PTPRG: variants seen among roughly 807,000 people sequenced by gnomAD.
The protein encoded by PTPRG is protein tyrosine phosphatase receptor type G, also known as receptor-type tyrosine-protein phosphatase gamma.
PTPRG carries 102 observed loss-of-function variants against 165.3 expected under a neutral mutation model. The observed-to-expected ratio is 0.62, with a 90% confidence interval of 0.53 to 0.73. The LOEUF (loss-of-function observed/expected upper bound fraction) is 0.73, where lower values mean the gene tolerates loss of function less well. Among genes scored for constraint, PTPRG ranks in the 30% least tolerant of loss-of-function variants. PTPRG has a pLI of 0.00. For synonymous variants in PTPRG, 675 were observed against 669.5 expected (o/e 1.01, Z -0.13); for missense variants, 1,866 against 1,861.4 (o/e 1.00, Z -0.05).
intron 2 of PTPRG, among the ~76,000 whole-genome samples, chr3:61,988,978 C>G (rs1017744640): frequency 6.6e-6 from 1 of 152,090 alleles, no homozygotes; most frequent in Non-Finnish European, 1.5e-5. Context: ...TATATGAGTA[C>G]AGAGTCCAGT....
chr3:61,890,048 C>T (rs911421363), intron 2 of PTPRG, among the ~76,000 whole-genome samples: 1 of 152,102 alleles, frequency 6.6e-6, no homozygotes, highest in Admixed American at 6.6e-5. Flanking sequence ...ACTTTTTGTA[C>T]GAAGATATTT....
chr3:61,879,274 T>C (rs1032123841), intron 2 of PTPRG, among the ~76,000 whole-genome samples: 2 of 152,200 alleles, frequency 1.3e-5, no homozygotes, highest in Non-Finnish European at 2.9e-5. Context: ...TTCTAGGCTG[T>C]GTTTTTCTCT....
At chr3:61,728,616 A>G (rs1053139300) in intron 1 of PTPRG, among the ~76,000 whole-genome samples, 1 of 152,090 alleles carries the variant, frequency 6.6e-6, no homozygotes, top group African/African-American at 2.4e-5. Flanking sequence ...AAAGATTTAA[A>G]AATGGTGTCT....
chr3:62,212,308 C>G (rs1700377511), intron 12 of PTPRG, among the ~76,000 whole-genome samples: 1 of 152,194 alleles, frequency 6.6e-6, no homozygotes, highest in African/African-American at 2.4e-5. Flanking sequence ...TTTCTACACA[C>G]AGATCCAAAT....
intron 2 of PTPRG, among the ~76,000 whole-genome samples, chr3:61,923,964 A>G (rs1172020383): frequency 6.6e-6 from 1 of 152,174 alleles, no homozygotes; most frequent in Non-Finnish European, 1.5e-5. Context: ...TTTCCATTAT[A>G]CTATTTGCTA....
intron 1 of PTPRG, among the ~76,000 whole-genome samples, chr3:61,592,287 T>A (rs371558021): frequency 1.3e-5 from 2 of 152,204 alleles, no homozygotes; most frequent in East Asian, 3.9e-4. Flanking sequence ...AATTGTTAAT[T>A]CTCTGCTGTA....
chr3:61,597,569 A>T (rs13319699), intron 1 of PTPRG, among the ~76,000 whole-genome samples: 2 of 152,176 alleles, frequency 1.3e-5, no homozygotes, highest in African/African-American at 4.8e-5. Context: ...TCCATTTGTT[A>T]AAGGGTCTGA....
chr3:61,580,022 TA>T (rs537931664), intron 1 of PTPRG, among the ~76,000 whole-genome samples: 114 of 152,150 alleles, frequency 7.5e-4, no homozygotes, highest in African/African-American at 2.7e-3. Flanking sequence ...TTGAAAAAAA[TA>T]AAAAATATGT....
In PTPRG at chr3:61,794,373, C is replaced by T. The variant is rs185680328; in HGVS notation, c.190+45391C>T. Among the ~76,000 whole-genome samples, 129 of 152,202 alleles carry T rather than the reference C, an allele frequency of 8.5e-4. 1 individual carries two copies. The highest frequency in any genetic ancestry group is 1.5e-3 in the East Asian group (8 of 5,178). On this transcript the variant is annotated intron_variant, in intron 2 of 29. Coordinates refer to ENST00000474889, the MANE Select transcript of PTPRG (RefSeq NM_002841.4). The stretch of plus-strand genomic sequence containing the variant: ...ATTGTTTATGGTTTTGGTTTTCCCT[C>T]CATATATTTTCTGGCATTTGGCTCT...
intron 5 of PTPRG, among the ~76,000 whole-genome samples, chr3:62,107,597 C>T (rs1296456861): frequency 2.0e-5 from 3 of 152,116 alleles, no homozygotes; most frequent in African/African-American, 4.8e-5. Flanking sequence ...ATATATGGTA[C>T]GTACTATAGT....
intron 4 of PTPRG, among the ~76,000 whole-genome samples, chr3:62,047,729 A>T (rs909416288): frequency 1.1e-4 from 16 of 152,186 alleles, no homozygotes; most frequent in African/African-American, 3.9e-4. Flanking sequence ...AGCTCCTCAG[A>T]GATAGTACAT....
At chr3:62,143,122 CTCA>C (rs1425884671) in intron 6 of PTPRG, among the ~76,000 whole-genome samples, 4 of 152,176 alleles carry the variant, frequency 2.6e-5, no homozygotes, top group African/African-American at 9.7e-5. Flanking sequence ...TTGATTGAAG[CTCA>C]TCATATGGGT....
chr3:62,190,447 G>C lies in PTPRG; in HGVS notation c.1034-1022G>C, dbSNP rs1699779178. On this transcript the variant is annotated intron_variant, in intron 8 of 29. Coordinates refer to ENST00000474889, the MANE Select transcript of PTPRG (RefSeq NM_002841.4). This position sits in a 1 kb window ranked among gnomAD's most constrained non-coding sequence, Gnocchi z 5.2. ...TCCGGCTGACTGGATTGGACCTGTT[G>C]AGCATTTGTATAACTCATTCAGACC... is the stretch of plus-strand genomic sequence containing the variant. Among the ~76,000 whole-genome samples the C allele has an allele frequency of 6.6e-6, 1 of 152,154 alleles. No individual in the cohort carries two copies. The highest frequency in any genetic ancestry group is 6.5e-5 in the Admixed American group (1 of 15,278).
intron 5 of PTPRG, among the ~76,000 whole-genome samples, chr3:62,118,779 G>A (rs1702955041): frequency 6.6e-6 from 1 of 152,142 alleles, no homozygotes; most frequent in African/African-American, 2.4e-5. Context: ...CAACCCAGGA[G>A]GTGTGTGTCA....
chr3:61,682,706 C>A (rs1703492747), intron 1 of PTPRG, among the ~76,000 whole-genome samples: 2 of 152,200 alleles, frequency 1.3e-5, no homozygotes, highest in African/African-American at 4.8e-5. Context: ...AGTGACCCTG[C>A]TGTTTTGTTT....
chr3:61,833,095 G>GTGTGTGTGTGTGTA (rs909034372), intron 2 of PTPRG, among the ~76,000 whole-genome samples: 5 of 151,792 alleles, frequency 3.3e-5, no homozygotes, highest in African/African-American at 1.2e-4. Flanking sequence ...GTGTGTGTGT[G>GTGTGTGTGTGTGTA]TACACAGTTT....
At chr3:61,936,077 C>T (rs906801073) in intron 2 of PTPRG, among the ~76,000 whole-genome samples, 1 of 152,254 alleles carries the variant, frequency 6.6e-6, no homozygotes, top group East Asian at 1.9e-4. Flanking sequence ...GAGGAAACAG[C>T]GTTCCTCTTC....
intron 2 of PTPRG, chr3:61,749,825 G>A (rs576792245): frequency 6.6e-6 from 1 of 152,414 alleles, no homozygotes; most frequent in East Asian, 1.9e-4. Flanking sequence ...GAGGCATGGA[G>A]TATTAGTCTT....
chr3:61,922,156 A>C (rs1057222504), intron 2 of PTPRG, among the ~76,000 whole-genome samples: 2 of 152,220 alleles, frequency 1.3e-5, no homozygotes, highest in Non-Finnish European at 2.9e-5. Context: ...CCTTTTCCCC[A>C]GCAGTATGCT....
Sources: allele counts gnomAD v4.1 joint callset (sites outside exome capture counted in the v4.1 genomes callset), GRCh38; gene constraint gnomAD v4.1.1; non-coding constraint Gnocchi (gnomAD v3.1); transcripts MANE v1.5; gene names NCBI Gene and HGNC (gene_info 2026-07-23, HGNC 2026-07-21).